Variants in TENM3 observed in about 807,000 individuals in gnomAD.
The protein encoded by TENM3 is teneurin-3.
In TENM3, 63 loss-of-function variants were observed where a neutral mutation model predicts 255.1. The observed-to-expected ratio is 0.25, with a 90% confidence interval of 0.20 to 0.30. The LOEUF (loss-of-function observed/expected upper bound fraction) is 0.30. TENM3 is among the 10% of genes least tolerant of loss of function. The pLI, the probability that TENM3 is intolerant of heterozygous loss-of-function variation, is 1.00. For missense variants in TENM3, 2,929 were observed against 3,461.1 expected, an observed-to-expected ratio of 0.85 and a Z score of 3.86; for synonymous variants, 1,306 against 1,322.3, an observed-to-expected ratio of 0.99 and a Z score of 0.27.
chr4:182,540,356 G>A (rs1474880777), intron 3 of TENM3, among the ~76,000 whole-genome samples: 1 of 152,150 alleles, frequency 6.6e-6, no homozygotes. Flanking sequence ...TTGGGAGGCC[G>A]AGGCGGGCGG....
intron 24 of TENM3, among the ~76,000 whole-genome samples, chr4:182,781,545 G>T (rs1440703761): frequency 6.6e-6 from 1 of 152,106 alleles, no homozygotes; most frequent in Admixed American, 6.5e-5. Context: ...CCTGGCTTTG[G>T]TATCAGAATG....
At chr4:182,109,606 T>C in the TENM3 span, among the ~76,000 whole-genome samples, 1 of 152,194 alleles carries the variant, frequency 6.6e-6, no homozygotes, top group Non-Finnish European at 1.5e-5. Flanking sequence ...ATGTCTATAG[T>C]AAAGTAGCCC....
At chr4:182,672,887 GA>G in intron 6 of TENM3, 117 bp from the exon 7 acceptor site, 3 of 710,044 alleles carry the variant, frequency 4.2e-6, no homozygotes, top group Non-Finnish European at 6.9e-6. Context: ...TAATATATCA[GA>G]AGATGAAATG....
chr4:182,227,972 G>A (rs1756287968), intron 1 of TENM3, among the ~76,000 whole-genome samples: 1 of 152,158 alleles, frequency 6.6e-6, no homozygotes, highest in Admixed American at 6.5e-5. Context: ...GCAATAAAAT[G>A]TAAGTGAACT....
At chr4:182,257,412 G>C (rs1206292470) in intron 1 of TENM3, among the ~76,000 whole-genome samples, 1 of 152,178 alleles carries the variant, frequency 6.6e-6, no homozygotes, top group Non-Finnish European at 1.5e-5. Context: ...CCAAACCTTA[G>C]AGGACGCTGG....
chr4:182,033,648 C>T, the TENM3 span, among the ~76,000 whole-genome samples: 2 of 152,062 alleles, frequency 1.3e-5, no homozygotes, highest in African/African-American at 2.4e-5. Flanking sequence ...TAAAGTCTCC[C>T]ACTATTATTG....
the TENM3 span, among the ~76,000 whole-genome samples, chr4:181,463,979 C>G: frequency 6.6e-6 from 1 of 152,082 alleles, no homozygotes; most frequent in Non-Finnish European, 1.5e-5. Context: ...TGTAGCAGTA[C>G]TTTTTACTCC....
the TENM3 span, among the ~76,000 whole-genome samples, chr4:181,698,306 A>G: frequency 6.6e-6 from 1 of 152,196 alleles, no homozygotes; most frequent in Non-Finnish European, 1.5e-5. Context: ...CTCAAGGCCA[A>G]AAACTAGCAA....
chr4:182,486,317 G>C (rs1045350649), intron 3 of TENM3, among the ~76,000 whole-genome samples: 1 of 148,256 alleles, frequency 6.7e-6, no homozygotes, highest in African/African-American at 2.5e-5. Context: ...ATTGTGTGTG[G>C]GGGGGAGGGT....
At chr4:182,523,184 TTTGTTGTTGTTG>T (rs200760976) in intron 3 of TENM3, among the ~76,000 whole-genome samples, 5,947 of 151,342 alleles carry the variant, frequency 0.039, 221 homozygotes, top group East Asian at 0.11. Flanking sequence ...TGTGTGTGGT[TTTGTTGTTGTTG>T]TTGTTGTTGT....
At chr4:182,708,797 C>CAA (rs530056176) in intron 12 of TENM3, among the ~76,000 whole-genome samples, 1,360 of 104,272 alleles carry the variant, frequency 0.013, 24 homozygotes, top group African/African-American at 0.039. Context: ...GACTCCGTCT[C>CAA]AAAAAAAAAA....
chr4:182,319,865 C>T (rs1479449625), intron 1 of TENM3, among the ~76,000 whole-genome samples: 2 of 152,202 alleles, frequency 1.3e-5, no homozygotes, highest in Admixed American at 6.5e-5. Flanking sequence ...TAAATCCCAA[C>T]CCTTTGGGAG....
the TENM3 span, among the ~76,000 whole-genome samples, chr4:181,501,239 T>C: frequency 6.6e-6 from 1 of 152,260 alleles, no homozygotes; most frequent in Middle Eastern, 3.4e-3. Flanking sequence ...GCTGGATGAC[T>C]TGAGGACACA....
Position 182,388,154 on chromosome 4 carries a change from C to T in TENM3, c.511+41225C>T, listed in dbSNP as rs142444889. On this transcript the variant is annotated intron_variant, in intron 3 of 27. Coordinates refer to ENST00000511685, the MANE Select transcript of TENM3 (RefSeq NM_001080477.4). ...TGCTCTTTCTTTTCTCTGTAGCTGCCTCTTCCCCTTCATTCCCAGCTGCTT... is the reference window on the plus strand; with the variant it reads ...TGCTCTTTCTTTTCTCTGTAGCTGCTTCTTCCCCTTCATTCCCAGCTGCTT... 6.0e-3 allele frequency among the ~76,000 whole-genome samples: 907 copies of T among 152,146 alleles called. 13 individuals are homozygous for T. The highest frequency in any genetic ancestry group is 0.021 in the African/African-American group (864 of 41,496).
intron 12 of TENM3, among the ~76,000 whole-genome samples, chr4:182,712,103 A>G (rs1417796169): frequency 2.0e-5 from 3 of 152,230 alleles, no homozygotes; most frequent in Non-Finnish European, 2.9e-5. Context: ...TATATGTGGT[A>G]TCACAATTTG....
chr4:182,612,900 C>T (rs2175929), intron 4 of TENM3, among the ~76,000 whole-genome samples: 30,481 of 152,150 alleles, frequency 0.2, 3,659 homozygotes, highest in Non-Finnish European at 0.27. Context: ...GTTTTGTCAT[C>T]CATTTCTTGT....
At chr4:182,382,164 T>A (rs1049631045) in intron 3 of TENM3, among the ~76,000 whole-genome samples, 1 of 152,204 alleles carries the variant, frequency 6.6e-6, no homozygotes, top group African/African-American at 2.4e-5. Context: ...TAAGATCATA[T>A]TGAGATGCAA....
the TENM3 span, among the ~76,000 whole-genome samples, chr4:181,719,215 A>AAAATAAATAAATAAATAAATAAAT: frequency 6.7e-3 from 998 of 149,834 alleles, 4 homozygotes; most frequent in Non-Finnish European, 0.011. Context: ...TCCGTCTCAA[A>AAAATAAATAAATAAATAAATAAAT]AAATAAATAA....
the TENM3 span, among the ~76,000 whole-genome samples, chr4:181,614,797 T>G: frequency 6.6e-6 from 1 of 152,206 alleles, no homozygotes; most frequent in Non-Finnish European, 1.5e-5. Flanking sequence ...AGGAATTAAC[T>G]TTGCAGCCAT....
Sources: allele counts gnomAD v4.1 joint callset (sites outside exome capture counted in the v4.1 genomes callset), GRCh38; gene constraint gnomAD v4.1.1; transcripts MANE v1.5; gene names NCBI Gene and HGNC (gene_info 2026-07-23, HGNC 2026-07-21).